DGKZ: variants seen among roughly 807,000 people sequenced by gnomAD.
DGKZ encodes the protein diacylglycerol kinase zeta.
Under a neutral mutation model 142.5 loss-of-function variants are expected in DGKZ, and 45 were observed. The ratio of observed to expected loss-of-function variants is 0.32; its 90% confidence interval spans 0.25 to 0.40. The LOEUF (loss-of-function observed/expected upper bound fraction) is 0.40. Among genes scored for constraint, DGKZ ranks in the 10% least tolerant of loss-of-function variants. The pLI is 1.00. For missense variants in DGKZ, 755 were observed against 1,306.5 expected (o/e 0.58, Z 6.51); for synonymous variants, 442 against 527.0 (o/e 0.84, Z 2.21).
intron 14 of DGKZ, among the ~76,000 whole-genome samples, 169 bp downstream of exon 14, chr11:46,373,270 CTG>C (rs1944163565): frequency 7.1e-6 from 1 of 141,140 alleles, no homozygotes; most frequent in African/African-American, 2.6e-5. Flanking sequence ...GCTGTTTTTT[CTG>C]TGTTTTTTTT....
At chr11:46,365,340 C>G in intron 1 of DGKZ, 2 of 985,434 alleles carry the variant, frequency 2.0e-6, no homozygotes, top group Non-Finnish European at 2.4e-6. Flanking sequence ...CAGCTTCACC[C>G]TGGGGTATCC....
Position 46,378,994 on chromosome 11 carries a change from C to T in DGKZ, c.2422C>T (p.Gln808Ter). Reference sequence around the variant, plus strand: ...CTGCCATGCCTCCTGCCCTCAGCTCCAGGAGCTGCACCGAGCTGGGGGCGA... The same window carrying T: ...CTGCCATGCCTCCTGCCCTCAGCTCTAGGAGCTGCACCGAGCTGGGGGCGA... The change falls in exon 28 of 31, where the codon CAG becomes TAG. Residue 808 changes from glutamine (Q) to a stop codon, truncating the protein, a stop_gained. Coordinates refer to ENST00000527911, the Ensembl canonical transcript of DGKZ. LOFTEE classifies it high-confidence loss of function. 6.4e-7 allele frequency: 1 copy of T among 1,553,144 alleles called. No individual in the cohort carries two copies. The highest frequency in any genetic ancestry group is 8.6e-7 in the Non-Finnish European group (1 of 1,157,654).
At chr11:46,374,631 A>G (rs1225283460) in exon 17 of DGKZ, 1 of 1,579,346 alleles carries the variant, frequency 6.3e-7, no homozygotes, top group Admixed American at 1.7e-5. Flanking sequence ...CCTGATGGGC[A>G]GCTCCAAGGA....
chr11:46,364,836 GCTT>G (rs551542708), intron 1 of DGKZ: 1,605 of 985,398 alleles, frequency 1.6e-3, no homozygotes, highest in Middle Eastern at 7.8e-3. Context: ...GGACCACAGG[GCTT>G]CTTCTGTCAG....
At chr11:46,371,519 G>A (rs757998297) in exon 8 of DGKZ, 1 of 1,609,260 alleles carries the variant, frequency 6.2e-7, no homozygotes, top group Admixed American at 1.7e-5. Context: ...TCATGCTGCA[G>A]CAGATCGAGG....
upstream of DGKZ, chr11:46,345,659 G>T (rs1447520833): frequency 7.2e-7 from 1 of 1,386,266 alleles, no homozygotes; most frequent in African/African-American, 1.5e-5. The surrounding 1 kb of genome is among the most constrained non-coding windows in gnomAD (Gnocchi z 4.1). Flanking sequence ...TGAGATGGGG[G>T]TGACAGAAGT....
exon 1 of DGKZ, chr11:46,333,060 C>G: frequency 1.3e-5 from 5 of 373,378 alleles, no homozygotes; most frequent in Non-Finnish European, 1.9e-5. Context: ...CCCCCGCCCC[C>G]CCGGAGCGCA....
intron 1 of DGKZ, among the ~76,000 whole-genome samples, chr11:46,352,058 G>A (rs1452962988): frequency 1.3e-5 from 2 of 152,206 alleles, no homozygotes; most frequent in African/African-American, 4.8e-5. Flanking sequence ...CAGCTGGGCT[G>A]GGGGAGAGTG....
chr11:46,363,444 C>T (rs751589480), intron 1 of DGKZ, among the ~76,000 whole-genome samples: 4 of 152,224 alleles, frequency 2.6e-5, no homozygotes, highest in African/African-American at 9.6e-5. Context: ...CGGCCTTGCC[C>T]ACCCCACTCT....
intron 1 of DGKZ, among the ~76,000 whole-genome samples, chr11:46,357,745 T>TA (rs569586607): frequency 6.6e-6 from 1 of 152,222 alleles, no homozygotes; most frequent in Non-Finnish European, 1.5e-5. Context: ...CCCAGGGCTC[T>TA]AGTGGCAGGG....
chr11:46,376,673 A>G, intron 24 of DGKZ, 109 bp downstream of exon 24: 6 of 1,430,098 alleles, frequency 4.2e-6, no homozygotes, highest in Non-Finnish European at 5.8e-6. Flanking sequence ...CTCTGTCCTC[A>G]TGCCTCTGAG....
chr11:46,335,566 G>A (rs988855753), intron 1 of DGKZ, among the ~76,000 whole-genome samples: 1 of 152,164 alleles, frequency 6.6e-6, no homozygotes, highest in Admixed American at 6.5e-5. Flanking sequence ...TAATCCCACT[G>A]AGGTCCCCCC....
Position 46,372,203 on chromosome 11 carries a change from C to G in DGKZ, c.927+33C>G. 1 of 1,552,376 alleles carries G rather than the reference C, an allele frequency of 6.4e-7. No individual in the cohort carries two copies. Among genetic ancestry groups the G allele is most frequent in the Non-Finnish European group, 8.7e-7 (1 of 1,143,894 alleles). On this transcript the variant is annotated intron_variant, in intron 10 of 30. Transcript: ENST00000527911. This position sits in a 1 kb window ranked among gnomAD's most constrained non-coding sequence, Gnocchi z 5.9. The stretch of plus-strand genomic sequence containing the variant: ...CGGCCTTGCCTCTCAGCTAAGGGCT[C>G]GGGCGGGGGTTGGGGTCCAGCCCGT...
At chr11:46,344,614 G>A (rs571844840), upstream of DGKZ, among the ~76,000 whole-genome samples, 5 of 151,620 alleles carry the variant, frequency 3.3e-5, no homozygotes, top group South Asian at 2.1e-4. Flanking sequence ...CCACCACGCC[G>A]GGCTAATTTT....
chr11:46,337,784 CAAA>C (rs775020013), intron 1 of DGKZ, among the ~76,000 whole-genome samples: 36 of 144,344 alleles, frequency 2.5e-4, no homozygotes, highest in African/African-American at 9.1e-4. Flanking sequence ...AACAAACAAA[CAAA>C]AAAAAAAATG....
rs528643461 is a variant in DGKZ at position 46,355,727 on chromosome 11, AG to A, written c.161+7913del. On this transcript the variant is annotated intron_variant, in intron 1 of 30. Coordinates refer to ENST00000527911, the Ensembl canonical transcript of DGKZ. The stretch of plus-strand genomic sequence containing the variant: ...AGGGAGCAACATGGTCAGAAAGTTG[AG>A]GGGGGAGGTGTTAAATTTTTTTTTT... 6.3e-3 allele frequency among the ~76,000 whole-genome samples: 931 copies of A among 148,200 alleles called. 12 individuals carry two copies. Among genetic ancestry groups the A allele is most frequent in the African/African-American group, 0.022 (890 of 40,364 alleles).
chr11:46,374,630 C>A, exon 17 of DGKZ: 1 of 1,579,148 alleles, frequency 6.3e-7, no homozygotes, highest in Non-Finnish European at 8.6e-7. Flanking sequence ...TCCTGATGGG[C>A]AGCTCCAAGG....
intron 27 of DGKZ, 176 bp from the exon 28 acceptor site, chr11:46,378,815 G>C (rs760868239): frequency 7.2e-6 from 8 of 1,114,480 alleles, no homozygotes; most frequent in Non-Finnish European, 1.0e-5. Context: ...TGTGGGGTGA[G>C]AGGCCCCTCC....
chr11:46,344,346 T>C (rs534196218), upstream of DGKZ, among the ~76,000 whole-genome samples: 2 of 152,176 alleles, frequency 1.3e-5, no homozygotes, highest in Non-Finnish European at 2.9e-5. Flanking sequence ...TGTTCTCCGA[T>C]ACGGTGCCTG....
Sources: allele counts gnomAD v4.1 joint callset (sites outside exome capture counted in the v4.1 genomes callset), GRCh38; gene constraint gnomAD v4.1.1; non-coding constraint Gnocchi (gnomAD v3.1); transcripts MANE v1.5; gene names NCBI Gene and HGNC (gene_info 2026-07-23, HGNC 2026-07-21).